The following CFHR2 variants were observed in gnomAD, a reference collection of about 807,000 sequenced individuals.
CFHR2 encodes the protein complement factor H related 2, also known as complement factor H-related protein 2.
CFHR2 carries 22 observed loss-of-function variants against 21.7 expected under a neutral mutation model. The ratio of observed to expected loss-of-function variants is 1.01; its 90% confidence interval spans 0.72 to 1.45. The LOEUF (loss-of-function observed/expected upper bound fraction) is 1.45. CFHR2 is among the 40% of genes most tolerant of loss of function. The pLI, the probability that CFHR2 is intolerant of heterozygous loss-of-function variation, is 0.00. For synonymous variants in CFHR2, 98 were observed against 97.4 expected, an observed-to-expected ratio of 1.01 and a Z score of -0.04; for missense variants, 294 against 293.3, an observed-to-expected ratio of 1.00 and a Z score of -0.02.
intron 2 of CFHR2, 100 bp from the exon 3 acceptor site, chr1:196,950,752 C>A: frequency 7.3e-7 from 1 of 1,363,102 alleles, no homozygotes; most frequent in Non-Finnish European, 1.0e-6. Context: ...GGATTACCAG[C>A]TTGAGCCACT....
At chr1:196,954,160 C>T (rs1652774314) in intron 3 of CFHR2, among the ~76,000 whole-genome samples, 2 of 152,308 alleles carry the variant, frequency 1.3e-5, no homozygotes, top group Non-Finnish European at 1.5e-5. Context: ...TTTATAATTT[C>T]CCTCCAACTT....
chr1:196,955,361 G>T (rs1652827243), intron 3 of CFHR2, among the ~76,000 whole-genome samples: 1 of 152,126 alleles, frequency 6.6e-6, no homozygotes, highest in Non-Finnish European at 1.5e-5. Context: ...TCTCAAGGGG[G>T]TTCCAAACTT....
chr1:196,949,385 T>G, intron 1 of CFHR2, 70 bp from the exon 2 acceptor site: 1 of 1,426,594 alleles, frequency 7.0e-7, no homozygotes, highest in Non-Finnish European at 9.6e-7. Flanking sequence ...ATGAGATGAT[T>G]AAAATATAGT....
chr1:196,957,051 T>G (rs1191849846), intron 3 of CFHR2, among the ~76,000 whole-genome samples: 1 of 152,166 alleles, frequency 6.6e-6, no homozygotes, highest in Admixed American at 6.5e-5. Flanking sequence ...GGTCATTGGC[T>G]TCTTAGGATC....
At chr1:196,944,170 G>A (rs990361567) in intron 1 of CFHR2, among the ~76,000 whole-genome samples, 2 of 128,208 alleles carry the variant, frequency 1.6e-5, no homozygotes, top group Non-Finnish European at 3.2e-5. Flanking sequence ...ACCAAATAGA[G>A]AATGTAAAGA....
chr1:196,946,653 G>A (rs1006960670), intron 1 of CFHR2, among the ~76,000 whole-genome samples: 3 of 152,014 alleles, frequency 2.0e-5, no homozygotes, highest in East Asian at 1.9e-4. Flanking sequence ...TTCTTCCTCC[G>A]CTCTTGTCCC....
chr1:196,958,123 T>A, intron 4 of CFHR2, 50 bp downstream of exon 4: 1 of 1,533,230 alleles, frequency 6.5e-7, no homozygotes, highest in Non-Finnish European at 9.0e-7. Flanking sequence ...GTGTGATGAG[T>A]CTGATATTTC....
intron 3 of CFHR2, among the ~76,000 whole-genome samples, chr1:196,956,884 G>T (rs910977380): frequency 6.6e-6 from 1 of 152,052 alleles, no homozygotes; most frequent in Non-Finnish European, 1.5e-5. Context: ...TATTTGGCAG[G>T]TTCCATTGCT....
At chr1:196,951,088 CT>C in intron 3 of CFHR2, 60 bp downstream of exon 3, 4 of 1,572,196 alleles carry the variant, frequency 2.5e-6, no homozygotes, top group South Asian at 1.1e-5. Context: ...AGAAATAAAT[CT>C]TTTTTTACAG....
Position 196,957,889 on chromosome 1 carries a change from A to T in CFHR2, c.431-2A>T. ...CCAGTAAATCAAATGATGTTTTTTT[A>T]GTTTCTGCAGAAAAATGTGGGCCCC... On this transcript the variant is annotated splice_acceptor_variant, in intron 3 of 4. Transcript: ENST00000367415. LOFTEE classifies it high-confidence loss of function. The T allele has an allele frequency of 6.2e-7, 1 of 1,606,898 alleles. No homozygotes were observed. The highest frequency in any genetic ancestry group is 8.5e-7 in the Non-Finnish European group (1 of 1,177,050).
intron 3 of CFHR2, among the ~76,000 whole-genome samples, chr1:196,955,575 A>T (rs2125012812): frequency 6.6e-6 from 1 of 152,288 alleles, no homozygotes; most frequent in East Asian, 1.9e-4. Flanking sequence ...TTGGCCAGAC[A>T]TGGTGGCTCA....
chr1:196,958,992 A>T lies in CFHR2; in HGVS notation c.725A>T (p.Lys242Ile). The part of the protein sequence containing the change: ...RTGDIVEFVC[K>I]SGYHPTKSHS... Reference sequence around the variant, plus strand: ...GGTGACATAGTTGAATTTGTTTGTAAATCTGGATATCATCCAACAAAATCT... The same window carrying T: ...GGTGACATAGTTGAATTTGTTTGTATATCTGGATATCATCCAACAAAATCT... Residue 242 changes from lysine to isoleucine, a missense_variant, in exon 5 of 5, where the codon AAA becomes ATA. Physicochemically the swap from Lys to Ile is moderately radical, Grantham distance 102. Coordinates refer to ENST00000367415, the MANE Select transcript of CFHR2 (RefSeq NM_005666.4). 1 of 1,612,362 alleles carries T rather than the reference A, an allele frequency of 6.2e-7. No homozygotes were observed.
intron 1 of CFHR2, among the ~76,000 whole-genome samples, chr1:196,945,777 A>AGTGTGTGTGTGTGTGT (rs201838824): frequency 2.8e-5 from 4 of 142,934 alleles, no homozygotes; most frequent in South Asian, 2.3e-4. Context: ...ACTGTGAGTG[A>AGTGTGTGTGTGTGTGT]GTGTGTGTGT....
chr1:196,955,850 A>C (rs888192743), intron 3 of CFHR2, among the ~76,000 whole-genome samples: 1 of 152,134 alleles, frequency 6.6e-6, no homozygotes, highest in African/African-American at 2.4e-5. Flanking sequence ...CTGTCTCAAA[A>C]AAATAATAAT....
intron 1 of CFHR2, among the ~76,000 whole-genome samples, chr1:196,944,883 A>ATTTT (rs71131736): frequency 2.6e-3 from 342 of 133,906 alleles, no homozygotes; most frequent in African/African-American, 9.0e-3. Context: ...CTTGAAATTC[A>ATTTT]TTTTTTTTTT....
intron 3 of CFHR2, among the ~76,000 whole-genome samples, chr1:196,957,549 A>G (rs530130830): frequency 9.2e-5 from 14 of 152,168 alleles, no homozygotes; most frequent in South Asian, 4.1e-4. Flanking sequence ...ATGACTACAG[A>G]CCCAATAAAC....
intron 1 of CFHR2, among the ~76,000 whole-genome samples, chr1:196,946,301 G>C (rs1253418066): frequency 3.9e-5 from 6 of 152,090 alleles, no homozygotes. Context: ...GTGGTTTTTG[G>C]TTACATGGAT....
chr1:196,945,523 AT>A (rs1176880771), intron 1 of CFHR2, among the ~76,000 whole-genome samples: 3 of 98,650 alleles, frequency 3.0e-5, no homozygotes, highest in African/African-American at 1.3e-4. Flanking sequence ...TTACACTGTC[AT>A]TTAGGTGTCT....
chr1:196,951,234 G>A (rs1487290574), intron 3 of CFHR2, among the ~76,000 whole-genome samples: 4 of 152,110 alleles, frequency 2.6e-5, no homozygotes, highest in Admixed American at 2.0e-4. Context: ...TATGTGATAA[G>A]TAAAAATATT....
Sources: gnomAD v4.1 joint callset for allele counts (sites outside exome capture counted in the v4.1 genomes callset) on GRCh38, gnomAD v4.1.1 for gene constraint, MANE v1.5 for transcripts, NCBI Gene and HGNC (gene_info 2026-07-23, HGNC 2026-07-21) for gene names.